Variants in PEBP4 observed in about 807,000 individuals in gnomAD.
PEBP4 encodes phosphatidylethanolamine binding protein 4.
In PEBP4, 22 loss-of-function variants were observed where a neutral mutation model predicts 23.9. The ratio of observed to expected loss-of-function variants is 0.92; its 90% confidence interval spans 0.66 to 1.31. The LOEUF (loss-of-function observed/expected upper bound fraction) is 1.31, where lower values mean the gene tolerates loss of function less well. Among genes scored for constraint, PEBP4 ranks in the 40% most tolerant of loss-of-function variants. PEBP4 has a pLI of 0.00. For missense variants in PEBP4, 324 were observed against 281.7 expected (o/e 1.15, Z -1.07); for synonymous variants, 112 against 99.3 (o/e 1.13, Z -0.76).
At chr8:22,915,616 C>T (rs1253203055) in intron 3 of PEBP4, among the ~76,000 whole-genome samples, 1 of 152,228 alleles carries the variant, frequency 6.6e-6, no homozygotes, top group Non-Finnish European at 1.5e-5. Context: ...CGAAGTGAGT[C>T]ACCGCCCATC....
chr8:22,888,440 A>G (rs1808427957), intron 3 of PEBP4, among the ~76,000 whole-genome samples: 1 of 152,138 alleles, frequency 6.6e-6, no homozygotes, highest in Admixed American at 6.6e-5. Flanking sequence ...CGGATGCCCC[A>G]ACCCATCCAG....
chr8:22,810,190 AT>A (rs1430715932), intron 4 of PEBP4, among the ~76,000 whole-genome samples: 4 of 152,132 alleles, frequency 2.6e-5, no homozygotes, highest in Admixed American at 6.5e-5. Flanking sequence ...AGTTGTTCCA[AT>A]AGGCTAGCCT....
chr8:22,715,003 G>A (rs1165651058), intron 6 of PEBP4, among the ~76,000 whole-genome samples: 1 of 152,236 alleles, frequency 6.6e-6, no homozygotes, highest in Non-Finnish European at 1.5e-5. Context: ...ATCCCAAAAA[G>A]GGAGGACTGT....
At chr8:22,761,122 C>A (rs1046779343) in intron 4 of PEBP4, among the ~76,000 whole-genome samples, 2 of 152,164 alleles carry the variant, frequency 1.3e-5, no homozygotes, top group African/African-American at 2.4e-5. Context: ...GGCCCCAAAG[C>A]CTGGAGCCTC....
chr8:22,776,789 C>T (rs1174006778), intron 4 of PEBP4, among the ~76,000 whole-genome samples: 1 of 141,578 alleles, frequency 7.1e-6, no homozygotes, highest in Non-Finnish European at 1.5e-5. Flanking sequence ...GATCGGGCAT[C>T]CGAGATATTG....
Position 22,727,334 on chromosome 8 carries a change from A to G in PEBP4, c.358-114T>C, listed in dbSNP as rs540070857. The G allele has an allele frequency of 3.9e-6, 4 of 1,032,830 alleles. No homozygotes were observed. The East Asian group carries it at 1.0e-4, about 26-fold the overall frequency. The allele number at this position is 1,032,830 out of a possible 1,614,324, so 64.0% of individuals were successfully genotyped here. A position where few individuals can be genotyped will look rare whatever the true frequency, so the allele number is the denominator to read the frequency against. ...GGAGGAGGATGGGAGAGGAAGGAGG[A>G]TGGGAGAAGAAGTAGGATGGGAGAG... On this transcript the variant is annotated intron_variant, in intron 4 of 6. Coordinates refer to ENST00000256404, the MANE Select transcript of PEBP4 (RefSeq NM_144962.3).
intron 4 of PEBP4, among the ~76,000 whole-genome samples, chr8:22,768,643 G>A (rs1028980430): frequency 2.6e-5 from 4 of 152,094 alleles, no homozygotes; most frequent in African/African-American, 7.2e-5. Context: ...CAGTCAATAC[G>A]GAGCCTTTTG....
chr8:22,916,855 A>G (rs1809086892), intron 3 of PEBP4, among the ~76,000 whole-genome samples: 1 of 152,220 alleles, frequency 6.6e-6, no homozygotes, highest in African/African-American at 2.4e-5. Context: ...ACAGCACAAG[A>G]CACAGGGAAG....
At chr8:22,732,559 TAAATA>T (rs558000516) in intron 4 of PEBP4, among the ~76,000 whole-genome samples, 214 of 152,096 alleles carry the variant, frequency 1.4e-3, no homozygotes, top group Middle Eastern at 3.4e-3. Flanking sequence ...CCCCGGAACT[TAAATA>T]AAATAAAATT....
chr8:22,921,413 T>C (rs1271467893), intron 2 of PEBP4, among the ~76,000 whole-genome samples: 1 of 152,072 alleles, frequency 6.6e-6, no homozygotes, highest in East Asian at 1.9e-4. Context: ...CCTGTGAGGA[T>C]GTAATTTGGA....
intron 4 of PEBP4, among the ~76,000 whole-genome samples, chr8:22,788,659 G>T (rs1371250331): frequency 6.6e-6 from 1 of 152,318 alleles, no homozygotes; most frequent in East Asian, 1.9e-4. Flanking sequence ...TGTCCTGATG[G>T]TTATTCATAT....
At chr8:22,824,923 C>T (rs997559506) in intron 3 of PEBP4, among the ~76,000 whole-genome samples, 3 of 152,132 alleles carry the variant, frequency 2.0e-5, no homozygotes, top group African/African-American at 4.8e-5. Flanking sequence ...GGCCATGGAC[C>T]GGTACTGGGG....
At chr8:22,897,602 A>G (rs1425216687) in intron 3 of PEBP4, 1 of 152,176 alleles carries the variant, frequency 6.6e-6, no homozygotes, top group African/African-American at 2.4e-5. Flanking sequence ...TAGTTGAGTA[A>G]ACTGGCTTGG....
intron 4 of PEBP4, among the ~76,000 whole-genome samples, chr8:22,781,537 C>T (rs768305102): frequency 2.0e-5 from 3 of 152,200 alleles, no homozygotes; most frequent in Non-Finnish European, 2.9e-5. Context: ...TCCCTTTTCT[C>T]CCGTTCCCTA....
Position 22,748,375 on chromosome 8 carries a change from C to A in PEBP4, c.358-21155G>T, listed in dbSNP as rs183458153. ...GAGAAGAAGATACTTTCTCTTCCTG[C>A]CCCAGAAGGTACCCAAGCCTCCGGG... On this transcript the variant is annotated intron_variant, in intron 4 of 6. Transcript: ENST00000256404. Among the ~76,000 whole-genome samples, 385 of 152,046 alleles carry A rather than the reference C, an allele frequency of 2.5e-3. 1 individual carries two copies. The highest frequency in any genetic ancestry group is 0.014 in the Middle Eastern group (4 of 294).
intron 3 of PEBP4, among the ~76,000 whole-genome samples, chr8:22,879,913 A>T (rs1172049483): frequency 1.3e-5 from 2 of 152,246 alleles, no homozygotes; most frequent in East Asian, 3.8e-4. Flanking sequence ...ATTCTATGGC[A>T]CACAGAGGGG....
chr8:22,862,173 G>A (rs1807791115), intron 3 of PEBP4, among the ~76,000 whole-genome samples: 1 of 152,080 alleles, frequency 6.6e-6, no homozygotes, highest in African/African-American at 2.4e-5. Context: ...GGAGGCCACA[G>A]GAGTCGGGGG....
At chr8:22,748,692 C>T (rs1252373806) in intron 4 of PEBP4, among the ~76,000 whole-genome samples, 1 of 151,958 alleles carries the variant, frequency 6.6e-6, no homozygotes. Context: ...GTGGGTGGAA[C>T]AGCTTTTGGT....
chr8:22,920,430 C>T, intron 2 of PEBP4, 120 bp from the exon 3 acceptor site: 2 of 1,185,716 alleles, frequency 1.7e-6, no homozygotes, highest in African/African-American at 1.5e-5. Flanking sequence ...CCTAAACCTG[C>T]CACTAACTAG....
Sources: allele counts gnomAD v4.1 joint callset (sites outside exome capture counted in the v4.1 genomes callset), GRCh38; gene constraint gnomAD v4.1.1; transcripts MANE v1.5; gene names NCBI Gene and HGNC (gene_info 2026-07-23, HGNC 2026-07-21).